Variants in MYO3B observed in about 807,000 individuals in gnomAD.
MYO3B encodes the protein myosin-IIIb.
A neutral mutation model predicts 174.6 loss-of-function variants in MYO3B; 156 were observed. That is an observed-to-expected ratio of 0.89 (90% CI 0.78 to 1.02). The LOEUF (loss-of-function observed/expected upper bound fraction) is 1.02. MYO3B is among the 50% of genes least tolerant of loss of function. The pLI is 0.00. For missense variants in MYO3B, 1,632 were observed against 1,639.4 expected (o/e 1.00, Z 0.08); for synonymous variants, 563 against 569.1 (o/e 0.99, Z 0.15).
chr2:170,641,524 T>A (rs182453914), intron 32 of MYO3B: 1 of 152,294 alleles, frequency 6.6e-6, no homozygotes, highest in Admixed American at 6.5e-5. Flanking sequence ...AAAGCACTGT[T>A]ATTATAGAAA....
At chr2:170,250,753 G>A (rs182723897) in intron 7 of MYO3B, among the ~76,000 whole-genome samples, 1 of 152,268 alleles carries the variant, frequency 6.6e-6, no homozygotes, top group African/African-American at 2.4e-5. Flanking sequence ...ATTGGGTGGT[G>A]GAGGTGGCTC....
chr2:170,455,088 A>G (rs1470334447), intron 23 of MYO3B, among the ~76,000 whole-genome samples: 1 of 152,170 alleles, frequency 6.6e-6, no homozygotes, highest in Non-Finnish European at 1.5e-5. Flanking sequence ...TATCCCCAGG[A>G]GCAATTTGGA....
intron 32 of MYO3B, among the ~76,000 whole-genome samples, chr2:170,566,954 A>G (rs1277395735): frequency 6.6e-6 from 1 of 152,078 alleles, no homozygotes; most frequent in Non-Finnish European, 1.5e-5. Context: ...TGAGTCACAG[A>G]CTCAGACTTT....
chr2:170,434,050 T>C (rs2094731585), intron 22 of MYO3B, among the ~76,000 whole-genome samples: 1 of 152,248 alleles, frequency 6.6e-6, no homozygotes, highest in Non-Finnish European at 1.5e-5. Context: ...TCTCCTTTTC[T>C]TGGCTTCCTA....
At chr2:170,247,270 C>T (rs900170639) in intron 7 of MYO3B, among the ~76,000 whole-genome samples, 3 of 152,124 alleles carry the variant, frequency 2.0e-5, no homozygotes, top group Admixed American at 1.3e-4. Context: ...CTGTTGTGGC[C>T]TATCTGGCAC....
chr2:170,509,930 G>T (rs577349450), intron 28 of MYO3B, among the ~76,000 whole-genome samples: 1 of 152,226 alleles, frequency 6.6e-6, no homozygotes, highest in Non-Finnish European at 1.5e-5. Flanking sequence ...AACGACAGCC[G>T]TTTGGCCGGG....
At chr2:170,449,187 G>A (rs1015891278) in intron 23 of MYO3B, among the ~76,000 whole-genome samples, 1 of 152,180 alleles carries the variant, frequency 6.6e-6, no homozygotes, top group Non-Finnish European at 1.5e-5. Context: ...TGTAGACAAG[G>A]TATGAGGCCA....
intron 6 of MYO3B, among the ~76,000 whole-genome samples, chr2:170,232,245 G>T (rs1282433778): frequency 6.6e-6 from 1 of 152,218 alleles, no homozygotes; most frequent in African/African-American, 2.4e-5. Flanking sequence ...TTGAGCTAAA[G>T]AGAATGATAG....
chr2:170,265,280 A>C (rs1194847851), intron 7 of MYO3B, among the ~76,000 whole-genome samples: 1 of 152,256 alleles, frequency 6.6e-6, no homozygotes, highest in Non-Finnish European at 1.5e-5. Flanking sequence ...TTCTTAGCTT[A>C]TAAATTACAT....
chr2:170,374,590 C>G (rs1231065535), intron 9 of MYO3B, among the ~76,000 whole-genome samples: 1 of 152,078 alleles, frequency 6.6e-6, no homozygotes, highest in East Asian at 1.9e-4. Flanking sequence ...TCATGGAGGG[C>G]TTGTTCACAT....
intron 25 of MYO3B, among the ~76,000 whole-genome samples, chr2:170,467,795 A>C (rs151198980): frequency 8.5e-4 from 121 of 142,440 alleles, no homozygotes; most frequent in Admixed American, 3.1e-3. Flanking sequence ...ACTCTGCTAA[A>C]TTCCATGGAA....
intron 32 of MYO3B, among the ~76,000 whole-genome samples, chr2:170,585,299 A>T (rs1359703587): frequency 6.6e-6 from 1 of 152,128 alleles, no homozygotes. Flanking sequence ...ACTCATAGTA[A>T]TTCTTTGTGT....
At chr2:170,472,311 A>G (rs1315522035) in intron 25 of MYO3B, among the ~76,000 whole-genome samples, 1 of 151,970 alleles carries the variant, frequency 6.6e-6, no homozygotes, top group Non-Finnish European at 1.5e-5. Context: ...TTACTTTCCT[A>G]GTCTCTTCTC....
chr2:170,480,556 A>G (rs1280439092), intron 25 of MYO3B, among the ~76,000 whole-genome samples: 1 of 152,202 alleles, frequency 6.6e-6, no homozygotes, highest in East Asian at 1.9e-4. Context: ...GAACTCAAAG[A>G]GGGTGTCATG....
intron 32 of MYO3B, among the ~76,000 whole-genome samples, chr2:170,636,110 G>GGT (rs1365108896): frequency 6.9e-4 from 105 of 152,256 alleles, no homozygotes; most frequent in Non-Finnish European, 1.0e-4. Flanking sequence ...CCATACTTTA[G>GGT]ATCTGACATA....
intron 32 of MYO3B, among the ~76,000 whole-genome samples, chr2:170,549,921 T>C (rs2106222517): frequency 6.6e-6 from 1 of 152,272 alleles, no homozygotes; most frequent in Admixed American, 6.5e-5. Context: ...CTAAGATGTC[T>C]CCCATTTGAT....
In MYO3B at chr2:170,410,486, C is replaced by T. The variant is rs2094538435; in HGVS notation, c.2650+2642C>T. Among the ~76,000 whole-genome samples, 5 of 150,364 alleles carry T rather than the reference C, an allele frequency of 3.3e-5. 1 individual carries two copies. In the South Asian group the frequency reaches 1.1e-3, roughly 32 times the overall value. On this transcript the variant is annotated intron_variant, in intron 22 of 34. Coordinates refer to ENST00000408978, the MANE Select transcript of MYO3B (RefSeq NM_138995.5). ...ATCCCAGCTACTAGGGAGTCTGGAG[C>T]AGGAGAATTGCTTGAACCCAGGAGG... is the stretch of plus-strand genomic sequence containing the variant.
chr2:170,554,084 A>G (rs1385271197), intron 32 of MYO3B, among the ~76,000 whole-genome samples: 1 of 152,186 alleles, frequency 6.6e-6, no homozygotes, highest in Non-Finnish European at 1.5e-5. Flanking sequence ...GGTTCTTTAT[A>G]GCAATGTGAG....
At chr2:170,284,960 G>C (rs1333131231) in intron 7 of MYO3B, among the ~76,000 whole-genome samples, 1 of 152,134 alleles carries the variant, frequency 6.6e-6, no homozygotes, top group African/African-American at 2.4e-5. Flanking sequence ...GTCTCATACT[G>C]TACATATCCA....
Sources: gnomAD v4.1 joint callset for allele counts (sites outside exome capture counted in the v4.1 genomes callset) on GRCh38, gnomAD v4.1.1 for gene constraint, MANE v1.5 for transcripts, NCBI Gene and HGNC (gene_info 2026-07-23, HGNC 2026-07-21) for gene names.